PDE6A: variants seen among roughly 807,000 people sequenced by gnomAD.
The protein encoded by PDE6A is rod cGMP-specific 3',5'-cyclic phosphodiesterase subunit alpha.
Under a neutral mutation model 106.3 loss-of-function variants are expected in PDE6A, and 84 were observed. The ratio of observed to expected loss-of-function variants is 0.79; its 90% CI spans 0.66 to 0.95. The LOEUF (loss-of-function observed/expected upper bound fraction) is 0.95. Ranked by LOEUF, PDE6A falls within the 40% of genes least tolerant of loss-of-function variation. The pLI is 0.00. For missense variants in PDE6A, 1,052 were observed against 1,084.9 expected, an observed-to-expected ratio of 0.97 and a Z score of 0.43; for synonymous variants, 394 against 386.6, an observed-to-expected ratio of 1.02 and a Z score of -0.23.
chr5:149,896,968 T>C (rs1752778838), intron 10 of PDE6A, among the ~76,000 whole-genome samples, 192 bp from the exon 11 acceptor site: 1 of 152,214 alleles, frequency 6.6e-6, no homozygotes, highest in African/African-American at 2.4e-5. Flanking sequence ...AAATTCAAGC[T>C]CTACCACTTA....
chr5:149,886,139 G>C, intron 14 of PDE6A, 126 bp downstream of exon 14: 1 of 735,424 alleles, frequency 1.4e-6, no homozygotes, highest in South Asian at 1.5e-5. Context: ...CGGATCCCAA[G>C]GGCAGAAGGC....
intron 13 of PDE6A, among the ~76,000 whole-genome samples, chr5:149,888,516 A>G (rs897884731): frequency 6.7e-6 from 1 of 148,388 alleles, no homozygotes; most frequent in Non-Finnish European, 1.5e-5. Context: ...TAATTAATAT[A>G]TTATTAATAA....
chr5:149,897,168 ATGT>A (rs1314742249), intron 10 of PDE6A, among the ~76,000 whole-genome samples: 1 of 152,250 alleles, frequency 6.6e-6, no homozygotes. Flanking sequence ...ACATAAATTA[ATGT>A]TGTTGTTGAT....
chr5:149,923,876 C>G (rs943086021), intron 4 of PDE6A, among the ~76,000 whole-genome samples: 1 of 152,120 alleles, frequency 6.6e-6, no homozygotes, highest in African/African-American at 2.4e-5. Flanking sequence ...GGTAGGATGC[C>G]AAGCCCTCCT....
At chr5:149,892,729 C>A (rs116122351) in intron 13 of PDE6A, among the ~76,000 whole-genome samples, 246 of 152,250 alleles carry the variant, frequency 1.6e-3, no homozygotes, top group African/African-American at 5.8e-3. Context: ...ATTCCACCTA[C>A]CTAAGCCTCC....
intron 13 of PDE6A, among the ~76,000 whole-genome samples, chr5:149,890,044 C>T (rs557839798): frequency 6.6e-6 from 1 of 151,324 alleles, no homozygotes; most frequent in South Asian, 2.1e-4. Context: ...CAACCTCTGC[C>T]TCCCAGATTC....
chr5:149,921,588 G>T, intron 5 of PDE6A, 47 bp downstream of exon 5: 1 of 1,454,216 alleles, frequency 6.9e-7, no homozygotes, highest in East Asian at 2.3e-5. Context: ...ACTGTGCCTT[G>T]CATTTGAATA....
chr5:149,879,236 T>A (rs1367525875), intron 17 of PDE6A, among the ~76,000 whole-genome samples: 1 of 151,942 alleles, frequency 6.6e-6, no homozygotes, highest in South Asian at 2.1e-4. Flanking sequence ...CTCGCCTAGA[T>A]AATTTTTGTA....
At chr5:149,861,019 G>C in intron 21 of PDE6A, 48 bp from the exon 22 acceptor site, 1 of 1,549,056 alleles carries the variant, frequency 6.5e-7, no homozygotes, top group Non-Finnish European at 8.9e-7. Context: ...AGAGGCTGCA[G>C]TGGGCTTCCC....
intron 17 of PDE6A, among the ~76,000 whole-genome samples, chr5:149,877,729 C>G (rs985088182): frequency 1.3e-5 from 2 of 152,166 alleles, no homozygotes; most frequent in Non-Finnish European, 2.9e-5. Flanking sequence ...ATTTATAATG[C>G]CTTAATTATA....
rs376233776 is a variant in PDE6A, at chr5:149,896,706, C to T, written c.1473+5G>A. 3.9e-5 allele frequency: 63 copies of T among 1,614,046 alleles called. No individual in the cohort carries two copies. The highest frequency in any genetic ancestry group is 4.8e-5 in the Non-Finnish European group (57 of 1,180,036). On this transcript the variant is annotated splice_donor_5th_base_variant and intron_variant, in intron 11 of 21. Coordinates refer to ENST00000255266, the MANE Select transcript of PDE6A (RefSeq NM_000440.3). ...CGGGGCTCGTGCTGCCCCGGTTCAG[C>T]TCACCAGGATCTCAGCCAGCTCCTC...
At chr5:149,922,186 T>C (rs992615879) in intron 4 of PDE6A, among the ~76,000 whole-genome samples, 1 of 152,104 alleles carries the variant, frequency 6.6e-6, no homozygotes, top group Non-Finnish European at 1.5e-5. Flanking sequence ...GTGTGCTGAT[T>C]GGAAAGATGA....
chr5:149,921,776 C>A, intron 4 of PDE6A, 67 bp from the exon 5 acceptor site: 1 of 1,217,496 alleles, frequency 8.2e-7, no homozygotes, highest in Non-Finnish European at 1.2e-6. Context: ...TTAAGATGTC[C>A]CACCTCCATG....
chr5:149,932,427 G>A, intron 3 of PDE6A: 1 of 1,385,392 alleles, frequency 7.2e-7, no homozygotes, highest in East Asian at 2.3e-5. Flanking sequence ...TTTAAAGGGA[G>A]TTGACTGAAT....
chr5:149,864,292 G>A (rs905189863), intron 20 of PDE6A, among the ~76,000 whole-genome samples: 10 of 151,854 alleles, frequency 6.6e-5, no homozygotes, highest in Non-Finnish European at 7.4e-5. Context: ...AGGCTAGAGT[G>A]CAGTGGTGCA....
intron 4 of PDE6A, among the ~76,000 whole-genome samples, chr5:149,927,812 C>T (rs1019315195): frequency 2.1e-4 from 32 of 151,632 alleles, no homozygotes; most frequent in Non-Finnish European, 1.5e-5. Flanking sequence ...ATCCTACAAG[C>T]TTTTTTTCTC....
intron 19 of PDE6A, chr5:149,867,180 G>C (rs989854231): frequency 1.6e-4 from 30 of 189,448 alleles, no homozygotes; most frequent in African/African-American, 6.3e-4. Context: ...TTACTTCCCA[G>C]CTTTGCCTTC....
At chr5:149,936,201 G>GGAAGGAAGGAAGGAAT (rs1754179907) in intron 1 of PDE6A, among the ~76,000 whole-genome samples, 2 of 150,800 alleles carry the variant, frequency 1.3e-5, no homozygotes, top group African/African-American at 2.4e-5. Flanking sequence ...AAGGAAGGAA[G>GGAAGGAAGGAAGGAAT]GAATTCAGAG....
At chr5:149,871,085 C>G (rs1760532184) in intron 17 of PDE6A, among the ~76,000 whole-genome samples, 1 of 152,164 alleles carries the variant, frequency 6.6e-6, no homozygotes, top group South Asian at 2.1e-4. Flanking sequence ...ATGTTTGTCT[C>G]TTCCCAGTCT....
Sources: allele counts gnomAD v4.1 joint callset (sites outside exome capture counted in the v4.1 genomes callset), GRCh38; gene constraint gnomAD v4.1.1; transcripts MANE v1.5; gene names NCBI Gene and HGNC (gene_info 2026-07-23, HGNC 2026-07-21).